INPP4B: variants seen among roughly 807,000 people sequenced by gnomAD.
The protein encoded by INPP4B is inositol polyphosphate 4-phosphatase type II.
Under a neutral mutation model 122.5 loss-of-function variants are expected in INPP4B, and 55 were observed. That is an observed-to-expected ratio of 0.45 (90% confidence interval 0.36 to 0.56). The LOEUF (loss-of-function observed/expected upper bound fraction) is 0.56, where lower values mean the gene tolerates loss of function less well. Among genes scored for constraint, INPP4B ranks in the 20% least tolerant of loss-of-function variants. The probability of loss-of-function intolerance (pLI) is 0.00; values close to 1 mark genes in which losing one functional copy is unlikely to be tolerated. For synonymous variants in INPP4B, 403 were observed against 388.7 expected (o/e 1.04, Z -0.43); for missense variants, 1,000 against 1,097.7 (o/e 0.91, Z 1.26).
chr4:142,735,831 G>C, intron 1 of INPP4B, among the ~76,000 whole-genome samples: 1 of 151,216 alleles, frequency 6.6e-6, no homozygotes, highest in Non-Finnish European at 1.5e-5. Context: ...TCATGCATTC[G>C]TTAGAATTTT....
At chr4:142,076,460 T>A (rs555696012) in intron 25 of INPP4B, among the ~76,000 whole-genome samples, 39 of 152,198 alleles carry the variant, frequency 2.6e-4, no homozygotes, top group African/African-American at 9.1e-4. Flanking sequence ...TCAATTTTCA[T>A]GTTTTTATTA....
intron 7 of INPP4B, among the ~76,000 whole-genome samples, chr4:142,333,446 C>CT (rs747321213): frequency 5.3e-5 from 8 of 152,280 alleles, no homozygotes; most frequent in Admixed American, 3.3e-4. Flanking sequence ...TCCTTTCTCG[C>CT]TTTTATCTCT....
At chr4:142,122,502 GT>G (rs11338042) in intron 20 of INPP4B, among the ~76,000 whole-genome samples, 19,067 of 152,114 alleles carry the variant, frequency 0.13, 1,366 homozygotes, top group East Asian at 0.23. Flanking sequence ...GCTGGAGAGA[GT>G]GTTTTAACCC....
Position 142,450,753 on chromosome 4 carries a change from T to A in INPP4B, c.-127+11910A>T, listed in dbSNP as rs10032831. On this transcript the variant is annotated intron_variant, in intron 3 of 25. Coordinates refer to ENST00000262992, the MANE Select transcript of INPP4B (RefSeq NM_001101669.3). ...CAAAGTAATTTCTTCCAGGATCCAC[T>A]TACTAATTGGAGAAACACAGATGTG... 9.7e-3 allele frequency among the ~76,000 whole-genome samples: 1,472 copies of A among 152,286 alleles called. 26 individuals carry two copies. Among genetic ancestry groups the A allele is most frequent in the African/African-American group, 0.033 (1,391 of 41,550 alleles).
intron 2 of INPP4B, among the ~76,000 whole-genome samples, chr4:142,611,039 T>TA (rs1742382514): frequency 6.6e-6 from 1 of 152,136 alleles, no homozygotes; most frequent in African/African-American, 2.4e-5. Context: ...TTCTGCAGGA[T>TA]ATACAGAAAG....
intron 2 of INPP4B, among the ~76,000 whole-genome samples, chr4:142,563,999 A>AT (rs1239927349): frequency 1.3e-5 from 2 of 152,220 alleles, no homozygotes; most frequent in African/African-American, 4.8e-5. Context: ...CAACCCACGG[A>AT]TTTATGAGCC....
intron 1 of INPP4B, among the ~76,000 whole-genome samples, chr4:142,830,844 T>C (rs1341713077): frequency 9.1e-6 from 1 of 110,240 alleles, no homozygotes; most frequent in Non-Finnish European, 1.8e-5. Context: ...CAAAACGCTG[T>C]CTCTACAAAA....
At chr4:142,289,482 G>A (rs973967553) in intron 9 of INPP4B, among the ~76,000 whole-genome samples, 2 of 152,080 alleles carry the variant, frequency 1.3e-5, no homozygotes, top group Non-Finnish European at 2.9e-5. Flanking sequence ...CCCATCACAC[G>A]GGTATTAATC....
intron 12 of INPP4B, among the ~76,000 whole-genome samples, chr4:142,219,398 T>C (rs1317438070): frequency 6.6e-6 from 1 of 152,214 alleles, no homozygotes; most frequent in Admixed American, 6.5e-5. Flanking sequence ...TAAAGTTAAA[T>C]TGGTATTTAT....
chr4:142,473,425 T>A (rs1406339940), intron 2 of INPP4B: 1 of 152,380 alleles, frequency 6.6e-6, no homozygotes, highest in Non-Finnish European at 1.5e-5. Flanking sequence ...GGATACACAC[T>A]GCCTACAGGG....
intron 8 of INPP4B, among the ~76,000 whole-genome samples, chr4:142,309,715 G>A (rs958743151): frequency 1.3e-5 from 2 of 152,158 alleles, no homozygotes; most frequent in African/African-American, 4.8e-5. Flanking sequence ...TGCAGCTCTA[G>A]CCTTTCTTGC....
intron 2 of INPP4B, among the ~76,000 whole-genome samples, chr4:142,694,313 C>CA (rs1039511992): frequency 1.1e-4 from 16 of 147,938 alleles, no homozygotes; most frequent in African/African-American, 4.0e-4. Context: ...ACAGTGGTTG[C>CA]AGTGAGCCGA....
chr4:142,097,199 G>A (rs868637277), intron 23 of INPP4B, among the ~76,000 whole-genome samples: 3 of 131,436 alleles, frequency 2.3e-5, no homozygotes, highest in African/African-American at 8.4e-5. Context: ...AGTCAGCCAT[G>A]TCCATTTTTT....
chr4:142,218,186 G>A (rs969166877), intron 12 of INPP4B, among the ~76,000 whole-genome samples: 1 of 152,232 alleles, frequency 6.6e-6, no homozygotes, highest in South Asian at 2.1e-4. Flanking sequence ...TGGTGGGAGG[G>A]AGATGGAAGA....
chr4:142,354,977 G>A (rs982583883), intron 7 of INPP4B, among the ~76,000 whole-genome samples: 6 of 151,936 alleles, frequency 3.9e-5, no homozygotes, highest in East Asian at 3.9e-4. Context: ...CTTGTGGCTC[G>A]TGGCTCGAGT....
intron 17 of INPP4B, among the ~76,000 whole-genome samples, chr4:142,154,668 A>G (rs1457473463): frequency 1.3e-5 from 2 of 152,160 alleles, no homozygotes; most frequent in African/African-American, 4.8e-5. Context: ...CTCATGAATT[A>G]TAGTGGGAGA....
At chr4:142,254,554 A>G (rs1215717624) in intron 11 of INPP4B, among the ~76,000 whole-genome samples, 1 of 152,226 alleles carries the variant, frequency 6.6e-6, no homozygotes, top group African/African-American at 2.4e-5. Context: ...CTCTGTGAAG[A>G]ATGCAGAAGC....
intron 15 of INPP4B, among the ~76,000 whole-genome samples, chr4:142,180,556 C>T (rs1830328157): frequency 6.6e-6 from 1 of 152,118 alleles, no homozygotes; most frequent in Non-Finnish European, 1.5e-5. Context: ...TTAATTTTGA[C>T]AACAACCCTC....
rs576597384 is a variant in INPP4B, at chr4:142,336,436, C to T, written c.373-21674G>A. On this transcript the variant is annotated intron_variant, in intron 7 of 25. Coordinates refer to ENST00000262992, the MANE Select transcript of INPP4B (RefSeq NM_001101669.3). ...TCCTTGAGCCAGAGCTGTAACATGCCCCTATCCGCCAAGCCACGGGTGGCG... is the reference window on the plus strand; with the variant it reads ...TCCTTGAGCCAGAGCTGTAACATGCTCCTATCCGCCAAGCCACGGGTGGCG... 2.6e-5 allele frequency among the ~76,000 whole-genome samples: 4 copies of T among 152,322 alleles called. No homozygotes were observed. The South Asian group carries it at 6.2e-4, about 24-fold the overall frequency.
Sources: gnomAD v4.1 joint callset for allele counts (sites outside exome capture counted in the v4.1 genomes callset) on GRCh38, gnomAD v4.1.1 for gene constraint, MANE v1.5 for transcripts, NCBI Gene and HGNC (gene_info 2026-07-23, HGNC 2026-07-21) for gene names.